The following PSD3 variants were observed in gnomAD, a reference collection of about 807,000 sequenced individuals.
PSD3 encodes pleckstrin and Sec7 domain containing 3, also known as PH and SEC7 domain-containing protein 3.
In PSD3, 49 loss-of-function variants were observed where a neutral mutation model predicts 105.5. That is an observed-to-expected ratio of 0.46 (90% confidence interval 0.37 to 0.59). The LOEUF is 0.59. PSD3 is among the 20% of genes least tolerant of loss of function. The probability of loss-of-function intolerance (pLI) is 0.00; values close to 1 mark genes in which losing one functional copy is unlikely to be tolerated. For synonymous variants in PSD3, 557 were observed against 457.8 expected (o/e 1.22, Z -2.77); for missense variants, 1,561 against 1,263.8 (o/e 1.24, Z -3.57).
intron 9 of PSD3, among the ~76,000 whole-genome samples, chr8:18,727,862 T>A (rs535466552): frequency 6.6e-6 from 1 of 152,076 alleles, no homozygotes; most frequent in East Asian, 1.9e-4. Flanking sequence ...ACCCATCGAG[T>A]TGGCCTCCTC....
chr8:18,993,749 C>A (rs1825925386), intron 1 of PSD3, among the ~76,000 whole-genome samples: 1 of 151,940 alleles, frequency 6.6e-6, no homozygotes, highest in African/African-American at 2.4e-5. Flanking sequence ...GAAGATCAAT[C>A]AGAAACCAAG....
intron 11 of PSD3, among the ~76,000 whole-genome samples, chr8:18,610,884 G>A (rs1403264592): frequency 6.6e-6 from 1 of 152,066 alleles, no homozygotes; most frequent in East Asian, 1.9e-4. Context: ...ACACCATGAT[G>A]CCCACTATTT....
At chr8:18,909,255 C>A (rs1489004034) in intron 2 of PSD3, among the ~76,000 whole-genome samples, 2 of 152,128 alleles carry the variant, frequency 1.3e-5, no homozygotes, top group African/African-American at 4.8e-5. Context: ...TCCTGATGTA[C>A]AGAAATGAAC....
chr8:19,011,460 G>C (rs1826945420), intron 1 of PSD3, among the ~76,000 whole-genome samples: 1 of 152,052 alleles, frequency 6.6e-6, no homozygotes, highest in Non-Finnish European at 1.5e-5. Flanking sequence ...AAATATCAAG[G>C]TTTTAGAAAG....
chr8:18,745,539 A>G (rs1456505043), intron 9 of PSD3, among the ~76,000 whole-genome samples: 1 of 152,104 alleles, frequency 6.6e-6, no homozygotes, highest in East Asian at 1.9e-4. Flanking sequence ...GCACCACAAG[A>G]TGTTCTAGGC....
chr8:18,851,653 C>G (rs1815577394), intron 4 of PSD3, among the ~76,000 whole-genome samples: 1 of 152,208 alleles, frequency 6.6e-6, no homozygotes, highest in South Asian at 2.1e-4. Flanking sequence ...ATCAAGGGAG[C>G]TCCAGACATT....
chr8:18,953,391 A>G (rs778908639), intron 1 of PSD3, among the ~76,000 whole-genome samples: 88 of 152,228 alleles, frequency 5.8e-4, no homozygotes, highest in Non-Finnish European at 1.0e-3. Context: ...ACACATATAA[A>G]TATATCAATG....
intron 4 of PSD3, chr8:18,808,637 A>ATCCC (rs1418563080): frequency 1.5e-5 from 19 of 1,305,662 alleles, no homozygotes; most frequent in East Asian, 1.2e-4. Context: ...AAGGATAAAT[A>ATCCC]TGTCCCTAGA....
chr8:18,946,874 C>T (rs1822892652), intron 1 of PSD3, among the ~76,000 whole-genome samples: 1 of 151,088 alleles, frequency 6.6e-6, no homozygotes, highest in Non-Finnish European at 1.5e-5. Flanking sequence ...CACTGCACTC[C>T]AGCCTGCGCA....
rs1386773768 is a variant in PSD3, at chr8:18,872,728, GAT to G, written c.134_135del (p.Asp45AlafsTer14). On this transcript the variant is annotated frameshift_variant, in exon 3 of 16. Transcript: ENST00000327040. LOFTEE classifies it high-confidence loss of function. ...RSEGKAPDTSDHGGSTLLPPN... is the reference protein window; with the variant it reads ...RSEGKAPDTSXHGGSTLLPPN... ...GGTGGGAGTAAAGTGCTTCCTCCAT[GAT>G]CACCTGTGAAGAGAACACAATGGAC... 9.7e-6 allele frequency: 15 copies of G among 1,553,314 alleles called. No individual in the cohort carries two copies. The highest frequency in any genetic ancestry group is 1.4e-5 in the African/African-American group (1 of 72,806).
rs766648025 is a variant in PSD3 at position 18,868,036 on chromosome 8, T to A, written c.1272A>T (p.Glu424Asp). The change falls in exon 4 of 16, where the codon GAA (glutamate) becomes GAT (aspartate). Residue 424 changes from glutamate (E) to aspartate (D), a missense_variant. Coordinates refer to ENST00000327040, the MANE Select transcript of PSD3 (RefSeq NM_015310.4). ...ATCCAGGCCCAAGGATGTCTTCATC[T>A]TCCCCCTTAACGTGCTCCTCTTGTT... ...ISEQEEHVKG[E>D]DEDILGPGYT... The A allele has an allele frequency of 1.7e-5, 27 of 1,613,060 alleles. No individual in the cohort carries two copies. The South Asian group carries it at 1.8e-4, about 11-fold the overall frequency.
chr8:19,077,761 A>T (rs1004216542), intron 1 of PSD3, among the ~76,000 whole-genome samples: 1 of 152,214 alleles, frequency 6.6e-6, no homozygotes, highest in Admixed American at 6.5e-5. Context: ...TTATAAATAG[A>T]TTTGCTTATT....
Position 18,871,734 on chromosome 8 carries a change from C to G in PSD3, c.1130G>C (p.Gly377Ala), listed in dbSNP as rs1563368479. Residue 377 changes from glycine to alanine, a missense_variant, in exon 3 of 16, where the codon GGG becomes GCG. Gly to Ala is a moderately conservative substitution (Grantham distance 60). Coordinates refer to ENST00000327040, the MANE Select transcript of PSD3 (RefSeq NM_015310.4). ...ATCAAGACGCACAGGGGAAAATGTC[C>G]CCGAGCTAGTGCCAGGCCTCTCTGA... ...APSERPGTSS[G>A]TFSPVRLDES... 3 of 1,614,020 alleles carry G rather than the reference C, an allele frequency of 1.9e-6. No individual in the cohort carries two copies. Among genetic ancestry groups the G allele is most frequent in the Admixed American group, 1.7e-5 (1 of 59,994 alleles).
chr8:18,976,130 G>A (rs889288509), intron 1 of PSD3, among the ~76,000 whole-genome samples: 8 of 152,066 alleles, frequency 5.3e-5, no homozygotes, highest in African/African-American at 1.9e-4. Flanking sequence ...GTAAAATACA[G>A]TCATTAAAAT....
rs553558219 is a variant in PSD3 at position 18,782,245 on chromosome 8, TTTC to T, written c.2083-16710_2083-16708del. On this transcript the variant is annotated intron_variant, in intron 8 of 15. Transcript: ENST00000327040. ...TTTCATGCTTCCTTGATTTCTCATG[TTTC>T]TTGTGTCCTTACATTTATATCTATG... 1.2e-3 allele frequency among the ~76,000 whole-genome samples: 183 copies of T among 152,266 alleles called. 1 individual carries two copies. The highest frequency in any genetic ancestry group is 4.3e-3 in the African/African-American group (178 of 41,562).
chr8:19,074,322 C>G (rs1237176227), intron 1 of PSD3, among the ~76,000 whole-genome samples: 10 of 152,016 alleles, frequency 6.6e-5, no homozygotes, highest in African/African-American at 9.7e-5. Context: ...TGCCTGGCAC[C>G]TGGGAAGGGA....
intron 1 of PSD3, among the ~76,000 whole-genome samples, chr8:19,039,655 C>T (rs1479570003): frequency 6.6e-6 from 1 of 152,214 alleles, no homozygotes; most frequent in Non-Finnish European, 1.5e-5. Flanking sequence ...GTCCCATTTG[C>T]ATCATTCTTT....
At chr8:18,795,471 T>C (rs1360768200) in intron 8 of PSD3, among the ~76,000 whole-genome samples, 1 of 152,172 alleles carries the variant, frequency 6.6e-6, no homozygotes, top group African/African-American at 2.4e-5. Context: ...AAGGTACATT[T>C]TGTCAAAAAA....
At position 18,765,531 on chromosome 8, in the gene PSD3, C is replaced by T; in HGVS notation, c.2090G>A (p.Gly697Glu). 6.2e-7 allele frequency: 1 copy of T among 1,606,690 alleles called. No individual in the cohort carries two copies. The highest frequency in any genetic ancestry group is 8.5e-7 in the Non-Finnish European group (1 of 1,173,304). The change falls in exon 9 of 16, where the codon GGA becomes GAA. Residue 697 changes from glycine (G) to glutamate (E), a missense_variant. Coordinates refer to ENST00000327040, the MANE Select transcript of PSD3 (RefSeq NM_015310.4). ...LNTDLHGHNI[G>E]KKMTCQEFIA... Reference sequence around the variant, plus strand: ...GAACTCCTGACAGGTCATCTTCTTTCCAATATTCTGAAACAGAGGCAAACA... The same window carrying T: ...GAACTCCTGACAGGTCATCTTCTTTTCAATATTCTGAAACAGAGGCAAACA...
Sources: allele counts gnomAD v4.1 joint callset (sites outside exome capture counted in the v4.1 genomes callset), GRCh38; gene constraint gnomAD v4.1.1; transcripts MANE v1.5; gene names NCBI Gene and HGNC (gene_info 2026-07-23, HGNC 2026-07-21).